The following MMP11 variants were observed in gnomAD, a reference collection of about 807,000 sequenced individuals.
MMP11 encodes stromelysin-3.
Under a neutral mutation model 49.5 loss-of-function variants are expected in MMP11, and 26 were observed. That is an observed-to-expected ratio of 0.52 (90% CI 0.38 to 0.73). MMP11 has a LOEUF of 0.73. Among genes scored for constraint, MMP11 ranks in the 30% least tolerant of loss-of-function variants. The pLI is 0.00. For synonymous variants in MMP11, 265 were observed against 282.3 expected (o/e 0.94, Z 0.62); for missense variants, 624 against 671.2 (o/e 0.93, Z 0.78).
chr22:23,773,009 C>T (rs1350795234), intron 1 of MMP11, 31 bp downstream of exon 1: 4 of 1,166,356 alleles, frequency 3.4e-6, no homozygotes, highest in African/African-American at 3.2e-5. Context: ...GGCCGCTCCT[C>T]GCTGAGGGGG....
At chr22:23,775,851 G>T (rs1927393484) in intron 1 of MMP11, among the ~76,000 whole-genome samples, 1 of 152,218 alleles carries the variant, frequency 6.6e-6, no homozygotes, top group Non-Finnish European at 1.5e-5. Flanking sequence ...GGGCCTACAG[G>T]GACAAGGAAC....
At chr22:23,775,185 T>G (rs914454799) in intron 1 of MMP11, among the ~76,000 whole-genome samples, 1 of 152,220 alleles carries the variant, frequency 6.6e-6, no homozygotes, top group African/African-American at 2.4e-5. Flanking sequence ...GCCCCAGGTC[T>G]AGGTCCAGCT....
chr22:23,776,527 C>T (rs1165522490), intron 1 of MMP11, among the ~76,000 whole-genome samples: 2 of 152,216 alleles, frequency 1.3e-5, no homozygotes, highest in Admixed American at 1.3e-4. Flanking sequence ...TAATTTGCAC[C>T]TCACCAAGGT....
chr22:23,781,744 G>C, intron 6 of MMP11: 2 of 628,662 alleles, frequency 3.2e-6, no homozygotes, highest in Non-Finnish European at 6.1e-6. Flanking sequence ...GAGTGCAGCT[G>C]GGAAGAGGCA....
At chr22:23,775,438 C>G (rs1408228594) in intron 1 of MMP11, among the ~76,000 whole-genome samples, 2 of 152,172 alleles carry the variant, frequency 1.3e-5, no homozygotes, top group African/African-American at 4.8e-5. Flanking sequence ...GGCATCTGGC[C>G]CCAGGCCAGA....
In MMP11 at chr22:23,781,222, C is replaced by G; in HGVS notation, c.888C>G (p.Ala296=). ...EPDAPPDACE[A]SFDAVSTIRG... is the part of the protein sequence containing the mutation. ...ACGCCCCGCCAGATGCCTGTGAGGC[C>G]TCCTTTGACGCGGTCTCCACCATCC... Residue 296 remains alanine (A), a synonymous_variant, in exon 6 of 8, where the codon GCC becomes GCG. Coordinates refer to ENST00000215743, the MANE Select transcript of MMP11 (RefSeq NM_005940.5). 6.2e-7 allele frequency: 1 copy of G among 1,611,706 alleles called. No individual in the cohort carries two copies. Among genetic ancestry groups the G allele is most frequent in the Non-Finnish European group, 8.5e-7 (1 of 1,180,024 alleles).
At position 23,780,990 on chromosome 22, in the gene MMP11, T is replaced by C. The variant is rs1361055920; in HGVS notation, c.748T>C (p.Cys250Arg). 1 of 1,613,586 alleles carries C rather than the reference T, an allele frequency of 6.2e-7. No homozygotes were observed. The highest frequency in any genetic ancestry group is 8.5e-7 in the Non-Finnish European group (1 of 1,180,020). ...RYPLSLSPDD[C>R]RGVQHLYGQP... is the part of the protein sequence containing the mutation. The stretch of plus-strand genomic sequence containing the variant: ...CCCACTGAGTCTCAGCCCAGATGAC[T>C]GCAGGGGCGTTCAACACCTATATGG... Residue 250 changes from cysteine to arginine, a missense_variant, in exon 5 of 8, where the codon TGC becomes CGC. By Grantham distance (180) the Cys-to-Arg change is radical (BLOSUM62 -3). Transcript: ENST00000215743. This position sits in a 1 kb window ranked among gnomAD's most constrained non-coding sequence, Gnocchi z 4.6.
Position 23,782,394 on chromosome 22 carries a change from C to A in MMP11, c.1244C>A (p.Thr415Asn). The A allele has an allele frequency of 6.2e-7, 1 of 1,613,944 alleles. No homozygotes were observed. Among genetic ancestry groups the A allele is most frequent in the Non-Finnish European group, 8.5e-7 (1 of 1,180,012 alleles). Residue 415 changes from threonine to asparagine, a missense_variant, in exon 7 of 8, where the codon ACC (threonine) becomes AAC (asparagine). Transcript: ENST00000215743. The part of the protein sequence containing the change: ...GRDYWRFHPS[T>N]RRVDSPVPRR... ...GACTACTGGCGTTTCCACCCCAGCA[C>A]CCGGCGTGTAGACAGTCCCGTGCCC...
In MMP11 at chr22:23,782,096, T is replaced by C. The variant is rs544244024; in HGVS notation, c.1076-130T>C. The stretch of plus-strand genomic sequence containing the variant: ...CGGGTGGGGTGCTGAGCAGGCATTA[T>C]TGGCCTGCATGTTTTACTGATGAGG... On this transcript the variant is annotated intron_variant, in intron 6 of 7. Coordinates refer to ENST00000215743, the MANE Select transcript of MMP11 (RefSeq NM_005940.5). The C allele has an allele frequency of 5.9e-5, 80 of 1,361,930 alleles. No individual in the cohort carries two copies. The Middle Eastern group carries it at 7.6e-4, about 13-fold the overall frequency. 84.4% of individuals were successfully genotyped at this position (1,361,930 alleles called of 1,614,324 possible). A position where few individuals can be genotyped will look rare whatever the true frequency, so the allele number is the denominator to read the frequency against.
intron 6 of MMP11, chr22:23,781,924 T>G: frequency 1.5e-6 from 1 of 660,680 alleles, no homozygotes; most frequent in Non-Finnish European, 2.8e-6. Flanking sequence ...GCCCAGGGAG[T>G]GGTCAGTAGG....
Position 23,780,457 on chromosome 22 carries a change from C to T in MMP11, c.437C>T (p.Thr146Ile). The change falls in exon 3 of 8, where the codon ACT (threonine) becomes ATT (isoleucine). Residue 146 changes from threonine to isoleucine, a missense_variant. Coordinates refer to ENST00000215743, the MANE Select transcript of MMP11 (RefSeq NM_005940.5). This position sits in a 1 kb window ranked among gnomAD's most constrained non-coding sequence, Gnocchi z 4.6. ...VWSDVTPLTF[T>I]EVHEGRADIM... ...AGCGATGTGACGCCACTCACCTTTA[C>T]TGAGGTGCACGAGGGCCGTGCTGAC... 1 of 1,614,070 alleles carries T rather than the reference C, an allele frequency of 6.2e-7. No individual in the cohort carries two copies. The highest frequency in any genetic ancestry group is 8.5e-7 in the Non-Finnish European group (1 of 1,180,034).
At chr22:23,779,689 A>C in intron 2 of MMP11, 1 of 528,246 alleles carries the variant, frequency 1.9e-6, no homozygotes, top group South Asian at 2.6e-5. Context: ...ACGGGTGTTC[A>C]GTCACTCAGG....
chr22:23,781,944 C>T (rs996761429), intron 6 of MMP11: 6 of 674,860 alleles, frequency 8.9e-6, no homozygotes, highest in Non-Finnish European at 1.7e-5. Flanking sequence ...GCATTTGTCA[C>T]AGCCAAATGC....
rs550773047 is a variant in MMP11 at position 23,782,299 on chromosome 22, G to A, written c.1149G>A (p.Val383=). ...CACCCCTCACCGAGCTGGGCCTGGTGAGGTTCCCGGTCCATGCTGCCTTGG... is the reference window on the plus strand; with the variant it reads ...CACCCCTCACCGAGCTGGGCCTGGTAAGGTTCCCGGTCCATGCTGCCTTGG... ...GPAPLTELGL[V]RFPVHAALVW... is the part of the protein sequence containing the mutation. The change falls in exon 7 of 8, where the codon GTG becomes GTA. Residue 383 remains valine (V), a synonymous_variant. Transcript: ENST00000215743. 3 of 1,613,928 alleles carry A rather than the reference G, an allele frequency of 1.9e-6. No homozygotes were observed. Among genetic ancestry groups the A allele is most frequent in the East Asian group, 2.2e-5 (1 of 44,870 alleles).
At chr22:23,782,616 C>CT in intron 7 of MMP11, 133 bp downstream of exon 7, 1 of 1,127,658 alleles carries the variant, frequency 8.9e-7, no homozygotes, top group Non-Finnish European at 1.2e-6. Flanking sequence ...CCAGAGCCAT[C>CT]TGCCCTCCTC....
intron 1 of MMP11, among the ~76,000 whole-genome samples, chr22:23,774,237 C>T (rs1927333121): frequency 6.6e-6 from 1 of 152,168 alleles, no homozygotes; most frequent in Non-Finnish European, 1.5e-5. Context: ...ACTGCTGTGT[C>T]CACTGTTGAG....
At chr22:23,781,822 G>C (rs1927644162) in intron 6 of MMP11, 1 of 586,324 alleles carries the variant, frequency 1.7e-6, no homozygotes. Context: ...GCAGAGATGA[G>C]AGCCTGGAGC....
intron 1 of MMP11, among the ~76,000 whole-genome samples, chr22:23,776,426 A>T (rs567523298): frequency 4.7e-4 from 71 of 152,310 alleles, no homozygotes; most frequent in Middle Eastern, 3.4e-3. Context: ...CCATGGGAGA[A>T]CTTGGATATG....
At chr22:23,776,809 CTT>C (rs539828847) in intron 1 of MMP11, among the ~76,000 whole-genome samples, 22 of 138,956 alleles carry the variant, frequency 1.6e-4, no homozygotes, top group Admixed American at 2.2e-4. Context: ...GTGCTAAGTA[CTT>C]TTTTTTTTTT....
Sources: allele counts gnomAD v4.1 joint callset (sites outside exome capture counted in the v4.1 genomes callset), GRCh38; gene constraint gnomAD v4.1.1; non-coding constraint Gnocchi (gnomAD v3.1); transcripts MANE v1.5; gene names NCBI Gene and HGNC (gene_info 2026-07-23, HGNC 2026-07-21).